The following PLEKHM3 variants were observed in gnomAD, a reference collection of about 807,000 sequenced individuals.
The protein encoded by PLEKHM3 is pleckstrin homology domain-containing family M member 3.
PLEKHM3 carries 45 observed loss-of-function variants against 81.8 expected under a neutral mutation model. The observed-to-expected ratio is 0.55, with a 90% CI of 0.43 to 0.71. PLEKHM3 has a LOEUF of 0.71. Ranked by LOEUF, PLEKHM3 falls within the 30% of genes least tolerant of loss-of-function variation. The probability of loss-of-function intolerance (pLI) is 0.00; values close to 1 mark genes in which losing one functional copy is unlikely to be tolerated. For missense variants in PLEKHM3, 788 were observed against 924.3 expected (o/e 0.85, Z 1.91); for synonymous variants, 352 against 356.4 (o/e 0.99, Z 0.14).
intron 6 of PLEKHM3, among the ~76,000 whole-genome samples, chr2:207,902,403 A>T (rs1007256355): frequency 1.2e-4 from 18 of 152,174 alleles, no homozygotes; most frequent in Non-Finnish European, 2.1e-4. Context: ...AATACCTTAA[A>T]CATTGCCTTT....
intron 4 of PLEKHM3, among the ~76,000 whole-genome samples, chr2:207,945,437 T>TA (rs1690089883): frequency 6.6e-6 from 1 of 152,182 alleles, no homozygotes; most frequent in Non-Finnish European, 1.5e-5. Flanking sequence ...CTCTCCTTTT[T>TA]AAAAAACAGC....
chr2:207,903,888 C>G (rs1224674918), intron 6 of PLEKHM3, among the ~76,000 whole-genome samples: 2 of 152,182 alleles, frequency 1.3e-5, no homozygotes, highest in African/African-American at 4.8e-5. Flanking sequence ...CTCAGGTGAG[C>G]ATATATTTTT....
intron 3 of PLEKHM3, among the ~76,000 whole-genome samples, chr2:207,963,735 C>CAGGT (rs1486002063): frequency 6.6e-6 from 1 of 152,170 alleles, no homozygotes; most frequent in South Asian, 2.1e-4. Context: ...TACTAGCCAC[C>CAGGT]AGGTAGACCC....
intron 7 of PLEKHM3, among the ~76,000 whole-genome samples, chr2:207,830,891 T>C (rs547475680): frequency 1.2e-4 from 19 of 152,218 alleles, no homozygotes; most frequent in Middle Eastern, 3.4e-3. Context: ...GCAACACATT[T>C]CTGTTGTCTA....
At chr2:207,846,441 A>C (rs1279750399) in intron 7 of PLEKHM3, among the ~76,000 whole-genome samples, 1 of 151,852 alleles carries the variant, frequency 6.6e-6, no homozygotes, top group African/African-American at 2.4e-5. Flanking sequence ...CGCCTGGCCC[A>C]GTGATCTTTT....
chr2:207,936,636 C>A (rs1689761765), intron 4 of PLEKHM3, among the ~76,000 whole-genome samples: 1 of 152,062 alleles, frequency 6.6e-6, no homozygotes, highest in Non-Finnish European at 1.5e-5. Flanking sequence ...GAGCATACGA[C>A]CCTAATTGAG....
At chr2:207,918,232 C>G (rs1689058389) in intron 5 of PLEKHM3, among the ~76,000 whole-genome samples, 1 of 152,056 alleles carries the variant, frequency 6.6e-6, no homozygotes, top group African/African-American at 2.4e-5. Flanking sequence ...AATATAAAAC[C>G]ACTTTCAGTG....
At chr2:207,911,262 C>A (rs1688801646) in intron 5 of PLEKHM3, among the ~76,000 whole-genome samples, 1 of 152,122 alleles carries the variant, frequency 6.6e-6, no homozygotes. Flanking sequence ...TAAAAGTGTA[C>A]TTTGGTAGTC....
intron 4 of PLEKHM3, among the ~76,000 whole-genome samples, chr2:207,945,220 A>T (rs764888795): frequency 6.6e-6 from 1 of 151,988 alleles, no homozygotes; most frequent in Non-Finnish European, 1.5e-5. Flanking sequence ...CTTCTACCTC[A>T]CTGCTCACTC....
chr2:207,904,159 C>T (rs576384896), intron 6 of PLEKHM3, among the ~76,000 whole-genome samples: 1 of 152,202 alleles, frequency 6.6e-6, no homozygotes, highest in East Asian at 1.9e-4. Flanking sequence ...GCATTCATAC[C>T]TCCTCAAAGA....
At chr2:207,840,823 GA>G (rs2092346912) in intron 7 of PLEKHM3, among the ~76,000 whole-genome samples, 1 of 39,418 alleles carries the variant, frequency 2.5e-5, no homozygotes, top group Non-Finnish European at 5.8e-5. Flanking sequence ...TTTTTTTTTT[GA>G]GACAGAGTCT....
rs117266047 is a variant in PLEKHM3 at position 207,843,461 on chromosome 2, C to T, written c.2109-14965G>A. Among the ~76,000 whole-genome samples the T allele has an allele frequency of 3.3e-5, 5 of 152,272 alleles. No homozygotes were observed. In the East Asian group the frequency reaches 9.6e-4, roughly 29 times the overall value. ...TTTTAAACAGTATATCTTAAATGTGCTTTCAGGGAAGCCAGAGGAAGGGAA... is the reference window on the plus strand; with the variant it reads ...TTTTAAACAGTATATCTTAAATGTGTTTTCAGGGAAGCCAGAGGAAGGGAA... On this transcript the variant is annotated intron_variant, in intron 7 of 7. Transcript: ENST00000427836. This position sits in a 1 kb window ranked among gnomAD's most constrained non-coding sequence, Gnocchi z 4.4.
chr2:207,898,039 G>T (rs1688282034), intron 6 of PLEKHM3, among the ~76,000 whole-genome samples: 1 of 152,290 alleles, frequency 6.6e-6, no homozygotes, highest in East Asian at 1.9e-4. Context: ...CTGCCAATTA[G>T]TATCTCAAGG....
At chr2:207,883,760 A>G (rs1342941647) in intron 6 of PLEKHM3, among the ~76,000 whole-genome samples, 1 of 152,190 alleles carries the variant, frequency 6.6e-6, no homozygotes, top group Non-Finnish European at 1.5e-5. Context: ...AGAGAAAATA[A>G]CTATATAAAA....
intron 4 of PLEKHM3, among the ~76,000 whole-genome samples, chr2:207,945,012 T>C (rs1690075909): frequency 1.3e-5 from 2 of 152,218 alleles, no homozygotes; most frequent in South Asian, 4.1e-4. Context: ...TCTCTCTCTA[T>C]TCTATGTTGA....
chr2:207,878,395 G>C (rs2092570033), intron 6 of PLEKHM3, among the ~76,000 whole-genome samples: 2 of 152,164 alleles, frequency 1.3e-5, no homozygotes, highest in African/African-American at 2.4e-5. Flanking sequence ...AATCACCTGA[G>C]GTCAGGAGTT....
In PLEKHM3 at chr2:207,825,382, C is replaced by T. The variant is rs2092242699; in HGVS notation, c.*2937G>A. On this transcript the variant is annotated 3_prime_UTR_variant, in exon 8 of 8. Coordinates refer to ENST00000427836, the MANE Select transcript of PLEKHM3 (RefSeq NM_001080475.3). ...TTGCCAGCTCCAGGAGATTAATTGG[C>T]CATTTTTTCATATGTTTTATGTGCA... 1 of 151,718 alleles carries T rather than the reference C, an allele frequency of 6.6e-6. No individual in the cohort carries two copies. Among genetic ancestry groups the T allele is most frequent in the South Asian group, 2.1e-4 (1 of 4,822 alleles). 9.4% of individuals were successfully genotyped at this position (151,718 alleles called of 1,614,324 possible). A position where few individuals can be genotyped will look rare whatever the true frequency, so the allele number is the denominator to read the frequency against.
chr2:207,975,200 C>T (rs1691264552), intron 3 of PLEKHM3, among the ~76,000 whole-genome samples: 1 of 152,168 alleles, frequency 6.6e-6, no homozygotes, highest in Non-Finnish European at 1.5e-5. Flanking sequence ...GGTCCACAAT[C>T]ACTGAGGCCC....
At chr2:207,832,864 C>A (rs2092296152) in intron 7 of PLEKHM3, among the ~76,000 whole-genome samples, 1 of 151,632 alleles carries the variant, frequency 6.6e-6, no homozygotes, top group Non-Finnish European at 1.5e-5. Context: ...GTAATCCCAG[C>A]ACTTTGGGAG....
Sources: gnomAD v4.1 joint callset for allele counts (sites outside exome capture counted in the v4.1 genomes callset) on GRCh38, gnomAD v4.1.1 for gene constraint, Gnocchi (gnomAD v3.1) non-coding constraint, MANE v1.5 for transcripts, NCBI Gene and HGNC (gene_info 2026-07-23, HGNC 2026-07-21) for gene names.